IFNAR1: variants seen among roughly 807,000 people sequenced by gnomAD.
The protein encoded by IFNAR1 is interferon alpha/beta receptor 1.
IFNAR1 carries 47 observed loss-of-function variants against 62.1 expected under a neutral mutation model. That is an observed-to-expected ratio of 0.76 (90% confidence interval 0.60 to 0.97). The LOEUF (loss-of-function observed/expected upper bound fraction) is 0.97. Among genes scored for constraint, IFNAR1 ranks in the 50% least tolerant of loss-of-function variants. IFNAR1 has a pLI of 0.00. For missense variants in IFNAR1, 638 were observed against 654.5 expected, an observed-to-expected ratio of 0.97 and a Z score of 0.27; for synonymous variants, 219 against 226.9, an observed-to-expected ratio of 0.97 and a Z score of 0.31.
Position 33,355,730 on chromosome 21 carries a change from T to TTACAGGC in IFNAR1, c.*182_*188dup, listed in dbSNP as rs1191742739. On this transcript the variant is annotated 3_prime_UTR_variant, in exon 11 of 11. Coordinates refer to ENST00000270139, the MANE Select transcript of IFNAR1 (RefSeq NM_000629.3). Reference sequence around the variant, plus strand: ...AGCTCTTAACTATTTAAAAATGAAATTACAGGCCCGGGCACGGTGGCTCAC... The same window carrying TTACAGGC: ...AGCTCTTAACTATTTAAAAATGAAATTACAGGCTACAGGCCCGGGCACGGTGGCTCAC... 9.6e-5 allele frequency: 36 copies of TTACAGGC among 373,408 alleles called. No homozygotes were observed. Among genetic ancestry groups the TTACAGGC allele is most frequent in the Non-Finnish European group, 1.5e-4 (32 of 207,804 alleles). The allele number at this position is 373,408 out of a possible 1,614,324, so 23.1% of individuals were successfully genotyped here.
Position 33,324,992 on chromosome 21 carries a change from T to G in IFNAR1, c.-64T>G. 6.9e-7 allele frequency: 1 copy of G among 1,454,400 alleles called. No homozygotes were observed. Among genetic ancestry groups the G allele is most frequent in the Non-Finnish European group, 9.4e-7 (1 of 1,060,392 alleles). 90.1% of individuals were successfully genotyped at this position (1,454,400 alleles called of 1,614,324 possible). On this transcript the variant is annotated 5_prime_UTR_variant, in exon 1 of 11. The change abolishes an upstream ATG in the 5' untranslated region. Coordinates refer to ENST00000270139, the MANE Select transcript of IFNAR1 (RefSeq NM_000629.3). ...GGCGGTGTGACTTAGGACGGGGCGA[T>G]GGCGGCTGAGAGGAGCTGCGCGTGC...
chr21:33,326,835 G>A (rs1177189572), intron 1 of IFNAR1, among the ~76,000 whole-genome samples: 1 of 151,990 alleles, frequency 6.6e-6, no homozygotes, highest in Non-Finnish European at 1.5e-5. Flanking sequence ...CAAAGGCAGG[G>A]CGTCACCAGG....
chr21:33,350,779 A>C (rs1224311239), intron 8 of IFNAR1, among the ~76,000 whole-genome samples: 2 of 152,174 alleles, frequency 1.3e-5, no homozygotes, highest in Admixed American at 1.3e-4. Context: ...CTGTAACCAT[A>C]GCTTAATGTA....
chr21:33,338,828 C>T (rs1261897162), intron 2 of IFNAR1, among the ~76,000 whole-genome samples: 6 of 151,680 alleles, frequency 4.0e-5, no homozygotes, highest in South Asian at 4.2e-4. Context: ...CCGCAACCTC[C>T]GCCTCCCGGG....
chr21:33,326,759 G>C (rs561957632), intron 1 of IFNAR1, among the ~76,000 whole-genome samples: 4 of 151,942 alleles, frequency 2.6e-5, no homozygotes, highest in African/African-American at 7.3e-5. Context: ...TCCCTTTTGC[G>C]TAAGAAAGTT....
Position 33,355,639 on chromosome 21 carries a change from G to T in IFNAR1, c.*90G>T. 1.6e-6 allele frequency: 1 copy of T among 641,920 alleles called. No homozygotes were observed. 39.8% of individuals were successfully genotyped at this position (641,920 alleles called of 1,614,324 possible). On this transcript the variant is annotated 3_prime_UTR_variant, in exon 11 of 11. Coordinates refer to ENST00000270139, the MANE Select transcript of IFNAR1 (RefSeq NM_000629.3). ...TCACCTTCCTCTCAGTAACTACAGAGAGGACGTTTCCCTGTTTAGGGAAAG... is the reference window on the plus strand; with the variant it reads ...TCACCTTCCTCTCAGTAACTACAGATAGGACGTTTCCCTGTTTAGGGAAAG...
chr21:33,325,026 G>A lies in IFNAR1; in HGVS notation c.-30G>A, dbSNP rs1221098110. 18 of 1,571,326 alleles carry A rather than the reference G, an allele frequency of 1.1e-5. No homozygotes were observed. The highest frequency in any genetic ancestry group is 1.3e-5 in the African/African-American group (1 of 74,132). ...AGAGGAGCTGCGCGTGCGCGAACAT[G>A]TAACTGGTGGGATCTGCGGCGGCTC... On this transcript the variant is annotated 5_prime_UTR_variant, in exon 1 of 11. It removes an upstream start codon present in the reference 5' UTR. Coordinates refer to ENST00000270139, the MANE Select transcript of IFNAR1 (RefSeq NM_000629.3).
chr21:33,326,370 A>AT (rs965157787), intron 1 of IFNAR1, among the ~76,000 whole-genome samples: 1 of 151,942 alleles, frequency 6.6e-6, no homozygotes, highest in Non-Finnish European at 1.5e-5. Context: ...ACATCCGGCT[A>AT]TTTTTTGTAT....
At chr21:33,326,436 C>G (rs4408796) in intron 1 of IFNAR1, among the ~76,000 whole-genome samples, 33,617 of 152,082 alleles carry the variant, frequency 0.22, 4,394 homozygotes, top group Admixed American at 0.29. Context: ...AACTCCTGAC[C>G]TCAAACAATC....
Position 33,356,994 on chromosome 21 carries a change from AGG to A in IFNAR1, c.*1449_*1450del, listed in dbSNP as rs1485609056. Reference sequence around the variant, plus strand: ...CGTTAAAATACAAATCATTGAACTGAGGGGGAAAAATGTAACTAGGAAGAAAA... The same window carrying A: ...CGTTAAAATACAAATCATTGAACTGAGGGAAAAATGTAACTAGGAAGAAAA... On this transcript the variant is annotated 3_prime_UTR_variant, in exon 11 of 11. Coordinates refer to ENST00000270139, the MANE Select transcript of IFNAR1 (RefSeq NM_000629.3). 6.6e-6 allele frequency: 1 copy of A among 152,126 alleles called. No homozygotes were observed. The highest frequency in any genetic ancestry group is 6.6e-5 in the Admixed American group (1 of 15,264). 9.4% of individuals were successfully genotyped at this position (152,126 alleles called of 1,614,324 possible). A position where few individuals can be genotyped will look rare whatever the true frequency, so the allele number is the denominator to read the frequency against.
intron 3 of IFNAR1, 87 bp downstream of exon 3, chr21:33,341,261 A>G: frequency 1.0e-6 from 1 of 1,000,886 alleles, no homozygotes; most frequent in Non-Finnish European, 1.5e-6. Context: ...TGCATGATGC[A>G]AAATCTAACA....
At chr21:33,342,688 CAAA>C (rs757422966) in intron 3 of IFNAR1, among the ~76,000 whole-genome samples, 2 of 93,518 alleles carry the variant, frequency 2.1e-5, no homozygotes, top group African/African-American at 4.0e-5. Context: ...ACTAAAAATA[CAAA>C]AAAAAAAAAA....
At chr21:33,340,252 C>T (rs1310366494) in intron 2 of IFNAR1, among the ~76,000 whole-genome samples, 6 of 151,958 alleles carry the variant, frequency 3.9e-5, no homozygotes, top group Non-Finnish European at 7.4e-5. Flanking sequence ...CAGAGGAAAC[C>T]TTGAAACCAT....
intron 2 of IFNAR1, among the ~76,000 whole-genome samples, chr21:33,336,525 T>A (rs959756768): frequency 1.3e-5 from 2 of 151,244 alleles, no homozygotes; most frequent in African/African-American, 2.4e-5. Context: ...GTTGAACTAG[T>A]TTACAGTCCC....
At chr21:33,344,129 G>T (rs1396537357) in intron 5 of IFNAR1, among the ~76,000 whole-genome samples, 1 of 151,962 alleles carries the variant, frequency 6.6e-6, no homozygotes, top group East Asian at 1.9e-4. Flanking sequence ...CCAGTCGGGA[G>T]CAAGGGGGAC....
intron 8 of IFNAR1, among the ~76,000 whole-genome samples, chr21:33,350,818 G>C (rs1185505401): frequency 1.3e-5 from 2 of 152,188 alleles, no homozygotes; most frequent in African/African-American, 4.8e-5. Flanking sequence ...TCGGTTTTCA[G>C]ATGTCTGTAG....
chr21:33,338,819 C>T (rs1007739243), intron 2 of IFNAR1, among the ~76,000 whole-genome samples: 28 of 151,490 alleles, frequency 1.8e-4, no homozygotes, highest in African/African-American at 6.5e-4. Flanking sequence ...CTCGGCTCAC[C>T]GCAACCTCCG....
At chr21:33,348,399 G>A (rs1184163261) in intron 6 of IFNAR1, among the ~76,000 whole-genome samples, 2 of 152,142 alleles carry the variant, frequency 1.3e-5, no homozygotes, top group African/African-American at 4.8e-5. Context: ...AGCTACAATA[G>A]ATAAAGATAG....
intron 1 of IFNAR1, chr21:33,334,884 C>T: frequency 7.4e-7 from 1 of 1,356,228 alleles, no homozygotes; most frequent in Non-Finnish European, 1.1e-6. Context: ...GGGAAAGCTG[C>T]TGAGATACAC....
Sources: allele counts gnomAD v4.1 joint callset (sites outside exome capture counted in the v4.1 genomes callset), GRCh38; gene constraint gnomAD v4.1.1; transcripts MANE v1.5; gene names NCBI Gene and HGNC (gene_info 2026-07-23, HGNC 2026-07-21).